Variants in ABCC4 observed in about 807,000 individuals in gnomAD.
The protein encoded by ABCC4 is ATP-binding cassette sub-family C member 4.
Under a neutral mutation model 168.5 loss-of-function variants are expected in ABCC4, and 102 were observed. That is an observed-to-expected ratio of 0.61 (90% CI 0.52 to 0.71). ABCC4 has a LOEUF of 0.71. ABCC4 is among the 30% of genes least tolerant of loss of function. The probability of loss-of-function intolerance (pLI) is 0.00; values close to 1 mark genes in which losing one functional copy is unlikely to be tolerated. For missense variants in ABCC4, 1,402 were observed against 1,605.8 expected, an observed-to-expected ratio of 0.87 and a Z score of 2.17; for synonymous variants, 617 against 590.7, an observed-to-expected ratio of 1.04 and a Z score of -0.65.
intron 19 of ABCC4, among the ~76,000 whole-genome samples, chr13:95,119,765 G>A (rs1678341): frequency 0.9 from 137,029 of 152,210 alleles, 61,979 homozygotes; most frequent in South Asian, 0.95. Context: ...TAAATATGAA[G>A]ATATTGAGGC....
In ABCC4 at chr13:95,021,565, T is replaced by C. The variant is rs757711202; in HGVS notation, c.*10A>G. On this transcript the variant is annotated 3_prime_UTR_variant, in exon 31 of 31. Coordinates refer to ENST00000645237, the MANE Select transcript of ABCC4 (RefSeq NM_005845.5). ...ATGCCTTCGGAACGGACTTGACATT[T>C]TGGTTGGATTCACAGTGCTGTCTCG... 1 of 1,578,230 alleles carries C rather than the reference T, an allele frequency of 6.3e-7. No individual in the cohort carries two copies. The highest frequency in any genetic ancestry group is 8.7e-7 in the Non-Finnish European group (1 of 1,148,786).
intron 19 of ABCC4, among the ~76,000 whole-genome samples, chr13:95,150,534 G>C (rs919968224): frequency 6.6e-6 from 1 of 151,660 alleles, no homozygotes; most frequent in African/African-American, 2.4e-5. Context: ...GTACTTTGAA[G>C]CTTGTCGAGT....
chr13:95,054,021 C>CT lies in ABCC4; in HGVS notation c.3367-838dup, dbSNP rs55980425. On this transcript the variant is annotated intron_variant, in intron 26 of 30. Coordinates refer to ENST00000645237, the MANE Select transcript of ABCC4 (RefSeq NM_005845.5). ...CTCTCCAATGTCAGAATGGGACATC[C>CT]TTTTTTTTTTTTTTTTTTTTTTTTT... is the stretch of plus-strand genomic sequence containing the variant. 1.5e-3 allele frequency: 104 copies of CT among 71,596 alleles called. 5 individuals carry two copies. The highest frequency in any genetic ancestry group is 6.4e-3 in the East Asian group (11 of 1,732). 4.4% of individuals were successfully genotyped at this position (71,596 alleles called of 1,614,324 possible).
chr13:95,215,828 G>A (rs2039094299), intron 4 of ABCC4, among the ~76,000 whole-genome samples: 1 of 152,184 alleles, frequency 6.6e-6, no homozygotes, highest in South Asian at 2.1e-4. Context: ...GCAAGTCTTA[G>A]AGTAAACTTT....
chr13:95,131,954 T>C lies in ABCC4; in HGVS notation c.2456-15953A>G, dbSNP rs112889871. Among the ~76,000 whole-genome samples the C allele has an allele frequency of 5.6e-3, 856 of 152,194 alleles. 7 individuals are homozygous for C. The highest frequency in any genetic ancestry group is 0.018 in the African/African-American group (728 of 41,502). ...TCCAGCAATTCCACCTCTACATATA[T>C]ACACAACAGAAGAGACTACGGGGGT... is the stretch of plus-strand genomic sequence containing the variant. On this transcript the variant is annotated intron_variant, in intron 19 of 30. Transcript: ENST00000645237.
At chr13:95,273,648 A>ATGGCT (rs11281779) in intron 1 of ABCC4, among the ~76,000 whole-genome samples, 56,823 of 151,362 alleles carry the variant, frequency 0.38, 12,645 homozygotes, top group African/African-American at 0.63. Context: ...CACTACTGAT[A>ATGGCT]TGGCTCTGTG....
chr13:95,164,808 C>T lies in ABCC4; in HGVS notation c.2035-290G>A, dbSNP rs371771733. Among the ~76,000 whole-genome samples the T allele has an allele frequency of 2.9e-3, 445 of 152,258 alleles. 3 individuals are homozygous for T. The highest frequency in any genetic ancestry group is 9.9e-3 in the African/African-American group (411 of 41,542). ...CTCCTAGGTTCAAGCAATTATCCTG[C>T]CTCAGCCTCCTGAGTAGCAGGGATT... On this transcript the variant is annotated intron_variant, in intron 15 of 30. Transcript: ENST00000645237.
chr13:95,042,399 T>A (rs761868516), intron 29 of ABCC4, among the ~76,000 whole-genome samples: 4 of 152,142 alleles, frequency 2.6e-5, no homozygotes, highest in Non-Finnish European at 5.9e-5. Flanking sequence ...AGAGAGGGCA[T>A]GACCGCAACA....
rs758787771 is a variant in ABCC4 at position 95,194,925 on chromosome 13, G to C, written c.1174C>G (p.Leu392Val). ...SIRRIQTFLLLDEISQRNRQL... is the reference protein window; with the variant it reads ...SIRRIQTFLLVDEISQRNRQL... ...CGGTTGCGCTGTGATATCTCATCAA[G>C]TAGCAAAAAGGTCTAAAGAAAATGG... Residue 392 changes from leucine to valine, a missense_variant, in exon 9 of 31, where the codon CTT (leucine) becomes GTT (valine). By Grantham distance (32) the Leu-to-Val change is conservative. This residue lies in a region of ABCC4 where 1,007 missense variants were observed against 1,127.3 expected (regional missense o/e 0.89). Transcript: ENST00000645237. The C allele has an allele frequency of 6.2e-7, 1 of 1,613,820 alleles. No individual in the cohort carries two copies.
chr13:95,139,753 T>G (rs1361043966), intron 19 of ABCC4, among the ~76,000 whole-genome samples: 1 of 152,190 alleles, frequency 6.6e-6, no homozygotes, highest in Non-Finnish European at 1.5e-5. Flanking sequence ...TTCTTTCCCA[T>G]GCAATTCATA....
chr13:95,206,970 A>G (rs2038801181), intron 7 of ABCC4, among the ~76,000 whole-genome samples, 189 bp from the exon 8 acceptor site: 1 of 152,220 alleles, frequency 6.6e-6, no homozygotes, highest in Non-Finnish European at 1.5e-5. Context: ...CCAAGAAATC[A>G]TAAGAAGTAT....
At chr13:95,231,548 G>A (rs371986957) in intron 4 of ABCC4, among the ~76,000 whole-genome samples, 10 of 152,262 alleles carry the variant, frequency 6.6e-5, no homozygotes, top group African/African-American at 2.4e-4. Context: ...TCAGAGTCCT[G>A]CTGCAGAGCC....
chr13:95,195,816 T>C (rs1275402584), intron 8 of ABCC4, among the ~76,000 whole-genome samples: 1 of 152,064 alleles, frequency 6.6e-6, no homozygotes, highest in African/African-American at 2.4e-5. Context: ...GTATTTACAC[T>C]GGAGACAGGG....
intron 19 of ABCC4, among the ~76,000 whole-genome samples, chr13:95,154,223 T>C (rs1385191314): frequency 6.6e-6 from 1 of 152,228 alleles, no homozygotes; most frequent in Non-Finnish European, 1.5e-5. Context: ...AAAGCTTTTC[T>C]GGTGATGACT....
intron 11 of ABCC4, among the ~76,000 whole-genome samples, chr13:95,185,913 G>T (rs2038042926): frequency 6.6e-6 from 1 of 151,878 alleles, no homozygotes; most frequent in African/African-American, 2.4e-5. Context: ...ATAATAAATT[G>T]CACTGTAAAT....
At chr13:95,201,744 G>A (rs1161030350) in intron 8 of ABCC4, among the ~76,000 whole-genome samples, 5 of 152,146 alleles carry the variant, frequency 3.3e-5, no homozygotes, top group African/African-American at 7.2e-5. Context: ...ATGCCAAGGC[G>A]GGTGGATCAC....
At chr13:95,131,109 C>G (rs1022031644) in intron 19 of ABCC4, among the ~76,000 whole-genome samples, 3 of 152,104 alleles carry the variant, frequency 2.0e-5, no homozygotes, top group Non-Finnish European at 2.9e-5. Flanking sequence ...TGCGTGCCAC[C>G]TAAATTAATT....
At chr13:95,047,898 T>G (rs1363517866) in intron 27 of ABCC4, among the ~76,000 whole-genome samples, 1 of 152,176 alleles carries the variant, frequency 6.6e-6, no homozygotes, top group East Asian at 1.9e-4. Context: ...TTTTCTATCT[T>G]CCATACAAGA....
intron 19 of ABCC4, among the ~76,000 whole-genome samples, chr13:95,152,042 T>TG (rs1220906926): frequency 6.6e-6 from 1 of 152,196 alleles, no homozygotes; most frequent in Non-Finnish European, 1.5e-5. Flanking sequence ...AAAGTCACCT[T>TG]CAACACACAA....
Sources: gnomAD v4.1 joint callset for allele counts (sites outside exome capture counted in the v4.1 genomes callset) on GRCh38, gnomAD v4.1.1 for gene constraint, gnomAD v4.1.1 regional missense constraint, MANE v1.5 for transcripts, NCBI Gene and HGNC (gene_info 2026-07-23, HGNC 2026-07-21) for gene names.